The following LCE1B variants were observed in gnomAD, a reference collection of about 807,000 sequenced individuals.
LCE1B encodes late cornified envelope 1B, also known as late cornified envelope protein 1B.
For synonymous variants in LCE1B, 56 were observed against 55.9 expected (o/e 1.00, Z -0.01); for missense variants, 151 against 147.2 (o/e 1.03, Z -0.14).
chr1:152,812,818 C>A lies in LCE1B; in HGVS notation c.*15C>A. On this transcript the variant is annotated 3_prime_UTR_variant, in exon 1 of 1. Coordinates refer to ENST00000360090, the MANE Select transcript of LCE1B (RefSeq NM_178349.2). Reference sequence around the variant, plus strand: ...GCTGCTGCTAAAGTGGATCCTGAGCCTAGAAGAACACAAATGGCCAAATAT... The same window carrying A: ...GCTGCTGCTAAAGTGGATCCTGAGCATAGAAGAACACAAATGGCCAAATAT... The A allele has an allele frequency of 6.4e-7, 1 of 1,566,484 alleles. No individual in the cohort carries two copies. The highest frequency in any genetic ancestry group is 8.6e-7 in the Non-Finnish European group (1 of 1,159,436).
chr1:152,812,908 C>G lies in LCE1B; in HGVS notation c.*105C>G, dbSNP rs1341733208. On this transcript the variant is annotated 3_prime_UTR_variant, in exon 1 of 1. Transcript: ENST00000360090. Reference sequence around the variant, plus strand: ...TTGTTGAGAGGTCTTGGTGAGGGCTCAACTCAAGCATAGAGGATTCTTCTG... The same window carrying G: ...TTGTTGAGAGGTCTTGGTGAGGGCTGAACTCAAGCATAGAGGATTCTTCTG... The G allele has an allele frequency of 1.6e-5, 21 of 1,306,952 alleles. No individual in the cohort carries two copies. Among genetic ancestry groups the G allele is most frequent in the Non-Finnish European group, 2.0e-5 (19 of 948,130 alleles). The allele number at this position is 1,306,952 out of a possible 1,614,324, so 81.0% of individuals were successfully genotyped here. A position where few individuals can be genotyped will look rare whatever the true frequency, so the allele number is the denominator to read the frequency against.
Position 152,812,760 on chromosome 1 carries a change from G to T in LCE1B, c.314G>T (p.Cys105Phe). 2.5e-6 allele frequency: 4 copies of T among 1,613,258 alleles called. No individual in the cohort carries two copies. Among genetic ancestry groups the T allele is most frequent in the Non-Finnish European group, 3.4e-6 (4 of 1,179,522 alleles). ...AGCCAGCCCTCCGGGGGCTCCAGCTGCTGTGGAGGAGGGAGTGGCCAGCAC... is the reference window on the plus strand; with the variant it reads ...AGCCAGCCCTCCGGGGGCTCCAGCTTCTGTGGAGGAGGGAGTGGCCAGCAC... ...CCSQPSGGSS[C>F]CGGGSGQHSG... is the part of the protein sequence containing the mutation. Residue 105 changes from cysteine (C) to phenylalanine (F), a missense_variant, in exon 1 of 1, where the codon TGC becomes TTC. Coordinates refer to ENST00000360090, the MANE Select transcript of LCE1B (RefSeq NM_178349.2).
At position 152,812,856 on chromosome 1, in the gene LCE1B, T is replaced by TTCCTTC. The variant is rs1256253431; in HGVS notation, c.*61_*66dup. ...AATGGCCAAATATTTCCCTTCCGTC[T>TTCCTTC]TCCTTCTCCTTCTGGGCCTGCCCAT... On this transcript the variant is annotated 3_prime_UTR_variant, in exon 1 of 1. Coordinates refer to ENST00000360090, the MANE Select transcript of LCE1B (RefSeq NM_178349.2). 5 of 1,521,966 alleles carry TTCCTTC rather than the reference T, an allele frequency of 3.3e-6. No individual in the cohort carries two copies. The highest frequency in any genetic ancestry group is 4.4e-6 in the Non-Finnish European group (5 of 1,133,220). 94.3% of individuals were successfully genotyped at this position (1,521,966 alleles called of 1,614,324 possible). A position where few individuals can be genotyped will look rare whatever the true frequency, so the allele number is the denominator to read the frequency against.
In LCE1B at chr1:152,812,879, C is replaced by T; in HGVS notation, c.*76C>T. 5 of 1,493,620 alleles carry T rather than the reference C, an allele frequency of 3.3e-6. No individual in the cohort carries two copies. Among genetic ancestry groups the T allele is most frequent in the Non-Finnish European group, 4.5e-6 (5 of 1,110,936 alleles). 92.5% of individuals were successfully genotyped at this position (1,493,620 alleles called of 1,614,324 possible). On this transcript the variant is annotated 3_prime_UTR_variant, in exon 1 of 1. Coordinates refer to ENST00000360090, the MANE Select transcript of LCE1B (RefSeq NM_178349.2). ...TCTTCCTTCTCCTTCTGGGCCTGCC[C>T]ATGTTGTTGAGAGGTCTTGGTGAGG...
In LCE1B at chr1:152,812,547, C is replaced by T; in HGVS notation, c.101C>T (p.Pro34Leu). Residue 34 changes from proline to leucine, a missense_variant, in exon 1 of 1, where the codon CCC becomes CTC. By Grantham distance (98) the Pro-to-Leu change is moderately conservative. Transcript: ENST00000360090. Reference protein sequence around the residue: ...CLTPRCPPKCPPKCPPVSSCC... With the variant: ...CLTPRCPPKCLPKCPPVSSCC... ...ACCCCTAGATGCCCCCCAAAGTGTC[C>T]CCCTAAGTGTCCTCCAGTCTCTTCC... The T allele has an allele frequency of 6.2e-7, 1 of 1,614,086 alleles. No homozygotes were observed. The highest frequency in any genetic ancestry group is 8.5e-7 in the Non-Finnish European group (1 of 1,180,024).
In LCE1B at chr1:152,812,852, C is replaced by A. The variant is rs371326018; in HGVS notation, c.*49C>A. On this transcript the variant is annotated 3_prime_UTR_variant, in exon 1 of 1. Coordinates refer to ENST00000360090, the MANE Select transcript of LCE1B (RefSeq NM_178349.2). ...CACAAATGGCCAAATATTTCCCTTC[C>A]GTCTTCCTTCTCCTTCTGGGCCTGC... 18 of 1,526,974 alleles carry A rather than the reference C, an allele frequency of 1.2e-5. No individual in the cohort carries two copies. Among genetic ancestry groups the A allele is most frequent in the Non-Finnish European group, 1.8e-6 (2 of 1,136,968 alleles). 94.6% of individuals were successfully genotyped at this position (1,526,974 alleles called of 1,614,324 possible).
rs749057722 is a variant in LCE1B, at chr1:152,812,568, C to G, written c.122C>G (p.Ser41Cys). The G allele has an allele frequency of 3.2e-5, 51 of 1,614,022 alleles. 1 individual carries two copies. In the South Asian group the frequency reaches 5.2e-4, roughly 16 times the overall value. ...PKCPPKCPPV[S>C]SCCSVSSGGC... is the part of the protein sequence containing the mutation. ...TGTCCCCCTAAGTGTCCTCCAGTCT[C>G]TTCCTGCTGCAGTGTCAGCTCCGGA... The change falls in exon 1 of 1, where the codon TCT becomes TGT. Residue 41 changes from serine (S) to cysteine (C), a missense_variant. Coordinates refer to ENST00000360090, the MANE Select transcript of LCE1B (RefSeq NM_178349.2).
In LCE1B at chr1:152,812,910, A is replaced by G. The variant is rs1652538944; in HGVS notation, c.*107A>G. On this transcript the variant is annotated 3_prime_UTR_variant, in exon 1 of 1. Coordinates refer to ENST00000360090, the MANE Select transcript of LCE1B (RefSeq NM_178349.2). ...GTTGAGAGGTCTTGGTGAGGGCTCA[A>G]CTCAAGCATAGAGGATTCTTCTGTC... 7.7e-7 allele frequency: 1 copy of G among 1,302,358 alleles called. No individual in the cohort carries two copies. Among genetic ancestry groups the G allele is most frequent in the Non-Finnish European group, 1.1e-6 (1 of 945,022 alleles). 80.7% of individuals were successfully genotyped at this position (1,302,358 alleles called of 1,614,324 possible). A position where few individuals can be genotyped will look rare whatever the true frequency, so the allele number is the denominator to read the frequency against.
rs200266541 is a variant in LCE1B, at chr1:152,812,545, T to C, written c.99T>C (p.Cys33=). 5.6e-6 allele frequency: 9 copies of C among 1,613,676 alleles called. No homozygotes were observed. Among genetic ancestry groups the C allele is most frequent in the Non-Finnish European group, 7.6e-6 (9 of 1,179,918 alleles). ...KCLTPRCPPK[C]PPKCPPVSSC... Reference sequence around the variant, plus strand: ...TCACCCCTAGATGCCCCCCAAAGTGTCCCCCTAAGTGTCCTCCAGTCTCTT... The same window carrying C: ...TCACCCCTAGATGCCCCCCAAAGTGCCCCCCTAAGTGTCCTCCAGTCTCTT... The change falls in exon 1 of 1, where the codon TGT becomes TGC. Residue 33 remains cysteine (C), a synonymous_variant. Transcript: ENST00000360090.
At position 152,812,833 on chromosome 1, in the gene LCE1B, T is replaced by C; in HGVS notation, c.*30T>C. ...GATCCTGAGCCTAGAAGAACACAAA[T>C]GGCCAAATATTTCCCTTCCGTCTTC... On this transcript the variant is annotated 3_prime_UTR_variant, in exon 1 of 1. Transcript: ENST00000360090. 6.5e-7 allele frequency: 1 copy of C among 1,546,818 alleles called. No individual in the cohort carries two copies. Among genetic ancestry groups the C allele is most frequent in the Non-Finnish European group, 8.7e-7 (1 of 1,149,828 alleles).
chr1:152,812,881 T>G lies in LCE1B; in HGVS notation c.*78T>G. 6.7e-7 allele frequency: 1 copy of G among 1,485,598 alleles called. No individual in the cohort carries two copies. The allele number at this position is 1,485,598 out of a possible 1,614,324, so 92.0% of individuals were successfully genotyped here. A position where few individuals can be genotyped will look rare whatever the true frequency, so the allele number is the denominator to read the frequency against. ...TTCCTTCTCCTTCTGGGCCTGCCCA[T>G]GTTGTTGAGAGGTCTTGGTGAGGGC... On this transcript the variant is annotated 3_prime_UTR_variant, in exon 1 of 1. Coordinates refer to ENST00000360090, the MANE Select transcript of LCE1B (RefSeq NM_178349.2).
In LCE1B at chr1:152,812,297, G is replaced by A. The variant is rs181850613; in HGVS notation, c.-150G>A. On this transcript the variant is annotated 5_prime_UTR_variant, in exon 1 of 1. It adds an upstream start codon to the 5' untranslated region. Transcript: ENST00000360090. The stretch of plus-strand genomic sequence containing the variant: ...ACTATTAGACACAATGAAACTTCCC[G>A]TGATTAATTAGCTACAACTACACTA... 50 of 778,674 alleles carry A rather than the reference G, an allele frequency of 6.4e-5. No homozygotes were observed. Among genetic ancestry groups the A allele is most frequent in the African/African-American group, 6.2e-4 (36 of 58,328 alleles). 48.2% of individuals were successfully genotyped at this position (778,674 alleles called of 1,614,324 possible).
chr1:152,812,976 C>G lies in LCE1B; in HGVS notation c.*173C>G, dbSNP rs945606644. 2.6e-6 allele frequency: 2 copies of G among 772,330 alleles called. No individual in the cohort carries two copies. The highest frequency in any genetic ancestry group is 1.8e-5 in the African/African-American group (1 of 56,726). The allele number at this position is 772,330 out of a possible 1,614,324, so 47.8% of individuals were successfully genotyped here. On this transcript the variant is annotated 3_prime_UTR_variant, in exon 1 of 1. Transcript: ENST00000360090. ...CCAAAACTTCTCCCCCAAAGCCAAG[C>G]CATTTAATGACCTCAGTTTGCGTAT...
At position 152,812,724 on chromosome 1, in the gene LCE1B, C is replaced by T; in HGVS notation, c.278C>T (p.Ser93Phe). 6.2e-7 allele frequency: 1 copy of T among 1,614,060 alleles called. No homozygotes were observed. The highest frequency in any genetic ancestry group is 8.5e-7 in the Non-Finnish European group (1 of 1,179,968). Residue 93 changes from serine (S) to phenylalanine (F), a missense_variant, in exon 1 of 1, where the codon TCT becomes TTT. Physicochemically the swap from Ser to Phe is radical, Grantham distance 155. Coordinates refer to ENST00000360090, the MANE Select transcript of LCE1B (RefSeq NM_178349.2). The part of the protein sequence containing the change: ...RRSHCHRPQS[S>F]GCCSQPSGGS... ...TCCCACTGCCACAGACCCCAGAGCT[C>T]TGGCTGCTGCAGCCAGCCCTCCGGG...
rs1652535565 is a variant in LCE1B at position 152,812,796 on chromosome 1, G to T, written c.350G>T (p.Cys117Phe). 1 of 1,595,280 alleles carries T rather than the reference G, an allele frequency of 6.3e-7. No homozygotes were observed. The highest frequency in any genetic ancestry group is 1.7e-4 in the Middle Eastern group (1 of 5,936). Reference sequence around the variant, plus strand: ...GGGAGTGGCCAGCACTCTGGAGGCTGCTGCTAAAGTGGATCCTGAGCCTAG... The same window carrying T: ...GGGAGTGGCCAGCACTCTGGAGGCTTCTGCTAAAGTGGATCCTGAGCCTAG... ...GGGSGQHSGGCC is the reference protein window; with the variant it reads ...GGGSGQHSGGFC Residue 117 changes from cysteine (C) to phenylalanine (F), a missense_variant, in exon 1 of 1, where the codon TGC becomes TTC. Physicochemically the swap from Cys to Phe is radical, Grantham distance 205. Coordinates refer to ENST00000360090, the MANE Select transcript of LCE1B (RefSeq NM_178349.2).
Position 152,812,728 on chromosome 1 carries a change from C to A in LCE1B, c.282C>A (p.Gly94=). 6.2e-7 allele frequency: 1 copy of A among 1,614,050 alleles called. No homozygotes were observed. The highest frequency in any genetic ancestry group is 1.1e-5 in the South Asian group (1 of 91,060). Residue 94 remains glycine (G), a synonymous_variant, in exon 1 of 1, where the codon GGC becomes GGA. Transcript: ENST00000360090. The part of the protein sequence containing the change: ...RSHCHRPQSS[G]CCSQPSGGSS... ...ACTGCCACAGACCCCAGAGCTCTGG[C>A]TGCTGCAGCCAGCCCTCCGGGGGCT...
chr1:152,813,033 ACCTATATCCC>A lies in LCE1B; in HGVS notation c.*231_*240del. The A allele has an allele frequency of 1.8e-6, 1 of 553,366 alleles. No homozygotes were observed. Among genetic ancestry groups the A allele is most frequent in the Non-Finnish European group, 3.2e-6 (1 of 309,894 alleles). The allele number at this position is 553,366 out of a possible 1,614,324, so 34.3% of individuals were successfully genotyped here. A position where few individuals can be genotyped will look rare whatever the true frequency, so the allele number is the denominator to read the frequency against. On this transcript the variant is annotated 3_prime_UTR_variant, in exon 1 of 1. Coordinates refer to ENST00000360090, the MANE Select transcript of LCE1B (RefSeq NM_178349.2). ...TTGCTCTGGGAAGCCCAAAGCACAG[ACCTATATCCC>A]TTTGCAGCTTGTCTTTTTGCATAGC...
rs1553203484 is a variant in LCE1B, at chr1:152,812,819, T to C, written c.*16T>C. 7 of 1,565,654 alleles carry C rather than the reference T, an allele frequency of 4.5e-6. No individual in the cohort carries two copies. In the South Asian group the frequency reaches 8.4e-5, roughly 19 times the overall value. On this transcript the variant is annotated 3_prime_UTR_variant, in exon 1 of 1. Transcript: ENST00000360090. ...CTGCTGCTAAAGTGGATCCTGAGCCTAGAAGAACACAAATGGCCAAATATT... is the reference window on the plus strand; with the variant it reads ...CTGCTGCTAAAGTGGATCCTGAGCCCAGAAGAACACAAATGGCCAAATATT...
chr1:152,812,995 T>G lies in LCE1B; in HGVS notation c.*192T>G, dbSNP rs199602490. 3.2e-5 allele frequency: 22 copies of G among 678,442 alleles called. No homozygotes were observed. The East Asian group carries it at 6.1e-4, about 19-fold the overall frequency. The allele number at this position is 678,442 out of a possible 1,614,324, so 42.0% of individuals were successfully genotyped here. On this transcript the variant is annotated 3_prime_UTR_variant, in exon 1 of 1. Transcript: ENST00000360090. Reference sequence around the variant, plus strand: ...GCCAAGCCATTTAATGACCTCAGTTTGCGTATGTGTGGTTGCTCTGGGAAG... The same window carrying G: ...GCCAAGCCATTTAATGACCTCAGTTGGCGTATGTGTGGTTGCTCTGGGAAG...
Sources: allele counts gnomAD v4.1 joint callset, GRCh38; gene constraint gnomAD v4.1.1; transcripts MANE v1.5; gene names NCBI Gene and HGNC (gene_info 2026-07-23, HGNC 2026-07-21).